Variants in DAOA observed in about 807,000 individuals in gnomAD.
DAOA encodes D-amino acid oxidase activator.
Under a neutral mutation model 16.4 loss-of-function variants are expected in DAOA, and 15 were observed. The ratio of observed to expected loss-of-function variants is 0.91; its 90% CI spans 0.61 to 1.41. The LOEUF (loss-of-function observed/expected upper bound fraction) is 1.41, where lower values mean the gene tolerates loss of function less well. Ranked by LOEUF, DAOA falls within the 40% of genes most tolerant of loss-of-function variation. The probability of loss-of-function intolerance (pLI) is 0.00; values close to 1 mark genes in which losing one functional copy is unlikely to be tolerated. For missense variants in DAOA, 230 were observed against 176.8 expected (o/e 1.30, Z -1.71); for synonymous variants, 75 against 59.1 (o/e 1.27, Z -1.23).
chr13:105,478,909 C>G (rs924542138), intron 4 of DAOA, among the ~76,000 whole-genome samples: 6 of 152,204 alleles, frequency 3.9e-5, no homozygotes, highest in African/African-American at 9.6e-5. Flanking sequence ...TTTAGCCAAA[C>G]TAACCCACTC....
chr13:105,484,613 T>C (rs1877983480), intron 4 of DAOA, among the ~76,000 whole-genome samples: 1 of 152,208 alleles, frequency 6.6e-6, no homozygotes, highest in South Asian at 2.1e-4. Flanking sequence ...TTACATATTG[T>C]TCTTTGCTCT....
At chr13:105,468,673 T>G (rs1406533095) in intron 3 of DAOA, among the ~76,000 whole-genome samples, 4 of 152,188 alleles carry the variant, frequency 2.6e-5, no homozygotes, top group African/African-American at 7.2e-5. Flanking sequence ...TTAGAAACAA[T>G]TTTCATTGAA....
At chr13:105,476,316 A>G (rs1400732173) in intron 4 of DAOA, among the ~76,000 whole-genome samples, 1 of 152,110 alleles carries the variant, frequency 6.6e-6, no homozygotes, top group Non-Finnish European at 1.5e-5. Flanking sequence ...TACTGAAAGG[A>G]GAAAGTCATT....
intron 4 of DAOA, among the ~76,000 whole-genome samples, chr13:105,483,332 G>A (rs1198258225): frequency 6.6e-6 from 1 of 152,132 alleles, no homozygotes; most frequent in African/African-American, 2.4e-5. Flanking sequence ...GTCTTATAAT[G>A]AAGATATGCT....
chr13:105,488,911 A>G (rs1214857189), intron 4 of DAOA, among the ~76,000 whole-genome samples: 2 of 152,208 alleles, frequency 1.3e-5, no homozygotes, highest in Non-Finnish European at 2.9e-5. Flanking sequence ...GGAACTTGAA[A>G]GCCATCAAGA....
intron 3 of DAOA, among the ~76,000 whole-genome samples, chr13:105,468,246 T>C (rs1876675422): frequency 6.6e-6 from 1 of 152,196 alleles, no homozygotes; most frequent in African/African-American, 2.4e-5. Context: ...TGAAGTCCCT[T>C]TGTTACACAA....
chr13:105,477,987 A>C (rs1877455092), intron 4 of DAOA, among the ~76,000 whole-genome samples: 1 of 152,204 alleles, frequency 6.6e-6, no homozygotes, highest in South Asian at 2.1e-4. Context: ...CTATCATTTA[A>C]AATATTTTTC....
Position 105,472,520 on chromosome 13 carries a change from A to C in DAOA, c.134-18A>C. 6.2e-7 allele frequency: 1 copy of C among 1,610,388 alleles called. No homozygotes were observed. The highest frequency in any genetic ancestry group is 1.1e-5 in the South Asian group (1 of 90,648). On this transcript the variant is annotated intron_variant, in intron 3 of 5. Coordinates refer to ENST00000375936, the MANE Select transcript of DAOA (RefSeq NM_172370.5). ...TAGAGTTAATATGTATTATATATCC[A>C]CTTAAATACTGTTGCAGCAAAGGAG...
Position 105,472,700 on chromosome 13 carries a change from C to T in DAOA, c.281+15C>T. ...CCCTATGCAGAGTATGTATCTTCTTCATTTTAAACTTTTAACCAGGAGAAA... is the reference window on the plus strand; with the variant it reads ...CCCTATGCAGAGTATGTATCTTCTTTATTTTAAACTTTTAACCAGGAGAAA... On this transcript the variant is annotated intron_variant, in intron 4 of 5. Transcript: ENST00000375936. The T allele has an allele frequency of 6.3e-7, 1 of 1,585,474 alleles. No individual in the cohort carries two copies. Among genetic ancestry groups the T allele is most frequent in the East Asian group, 2.3e-5 (1 of 44,302 alleles).
chr13:105,481,497 T>A (rs1177921229), intron 4 of DAOA, among the ~76,000 whole-genome samples: 1 of 152,178 alleles, frequency 6.6e-6, no homozygotes, highest in Non-Finnish European at 1.5e-5. Flanking sequence ...TCATTAAAAC[T>A]ATGATCCTCC....
At chr13:105,484,912 T>C (rs1270123707) in intron 4 of DAOA, among the ~76,000 whole-genome samples, 2 of 152,170 alleles carry the variant, frequency 1.3e-5, no homozygotes, top group Admixed American at 6.5e-5. Flanking sequence ...ATTGTTGGGA[T>C]CAATGTATTT....
chr13:105,478,341 T>C (rs1246068929), intron 4 of DAOA, among the ~76,000 whole-genome samples: 1 of 152,236 alleles, frequency 6.6e-6, no homozygotes, highest in Non-Finnish European at 1.5e-5. Flanking sequence ...CTTCCCTTAG[T>C]ACGCATTCAA....
rs1461859694 is a variant in DAOA at position 105,472,587 on chromosome 13, G to A, written c.183G>A (p.Trp61Ter). 2 of 1,614,074 alleles carry A rather than the reference G, an allele frequency of 1.2e-6. No individual in the cohort carries two copies. The highest frequency in any genetic ancestry group is 2.2e-5 in the East Asian group (1 of 44,836). The change falls in exon 4 of 6, where the codon TGG (tryptophan) becomes TGA (stop). Residue 61 changes from tryptophan (W) to a stop codon, truncating the protein, a stop_gained. Transcript: ENST00000375936. LOFTEE classifies it high-confidence loss of function. The stretch of plus-strand genomic sequence containing the variant: ...AGACGGTAACAAGGAAAGAAGGATG[G>A]AAGAGAAGGCATGAGGACGGCTATT... ...GRETVTRKEG[W>*]KRRHEDGYLE...
chr13:105,489,629 A>C (rs1053835244), intron 4 of DAOA: 4 of 691,588 alleles, frequency 5.8e-6, no homozygotes, highest in Non-Finnish European at 9.1e-6. Context: ...GAACGTCCTC[A>C]ATTCTCAGGC....
intron 3 of DAOA, among the ~76,000 whole-genome samples, chr13:105,471,783 A>G (rs1274855930): frequency 6.6e-6 from 1 of 152,192 alleles, no homozygotes; most frequent in Non-Finnish European, 1.5e-5. Context: ...TTTCTGGAAG[A>G]AAGTCAATTG....
chr13:105,466,294 G>T lies in DAOA; in HGVS notation c.6G>T (p.Leu2=). ...TTTAGCTGGGAGGACCCAAAATGCT[G>T]GAAAAGCTGATGGGTGCTGATTCTC... The part of the protein sequence containing the change: M[L]EKLMGADSLQ... The change falls in exon 2 of 6, where the codon CTG becomes CTT. Residue 2 remains leucine, a synonymous_variant. Coordinates refer to ENST00000375936, the MANE Select transcript of DAOA (RefSeq NM_172370.5). The T allele has an allele frequency of 6.2e-7, 1 of 1,613,994 alleles. No homozygotes were observed. Among genetic ancestry groups the T allele is most frequent in the Non-Finnish European group, 8.5e-7 (1 of 1,179,924 alleles).
chr13:105,471,721 C>G (rs775353197), intron 3 of DAOA, among the ~76,000 whole-genome samples: 6 of 151,856 alleles, frequency 4.0e-5, no homozygotes, highest in Non-Finnish European at 7.4e-5. Flanking sequence ...TAAAACTGGT[C>G]GATTCACAGA....
At chr13:105,477,210 G>A (rs1427918943) in intron 4 of DAOA, 1 of 152,156 alleles carries the variant, frequency 6.6e-6, no homozygotes, top group Non-Finnish European at 1.5e-5. Context: ...GGATCTGGAA[G>A]GTCAGTCTTG....
At position 105,472,646 on chromosome 13, in the gene DAOA, T is replaced by A; in HGVS notation, c.242T>A (p.Leu81Ter). ...GCACAGAGGCATTTACAGAGATCATTATGTCCTTGGGTCTCTTACCTTCCT... is the reference window on the plus strand; with the variant it reads ...GCACAGAGGCATTTACAGAGATCATAATGTCCTTGGGTCTCTTACCTTCCT... ...EMAQRHLQRS[L>*]CPWVSYLPQP... is the part of the protein sequence containing the mutation. Residue 81 changes from leucine to a stop codon, truncating the protein, a stop_gained, in exon 4 of 6, where the codon TTA (leucine) becomes TAA (stop). Transcript: ENST00000375936. LOFTEE classifies it high-confidence loss of function. 6.2e-7 allele frequency: 1 copy of A among 1,614,088 alleles called. No homozygotes were observed. The highest frequency in any genetic ancestry group is 8.5e-7 in the Non-Finnish European group (1 of 1,179,936).
Sources: gnomAD v4.1 joint callset for allele counts (sites outside exome capture counted in the v4.1 genomes callset) on GRCh38, gnomAD v4.1.1 for gene constraint, MANE v1.5 for transcripts, NCBI Gene and HGNC (gene_info 2026-07-23, HGNC 2026-07-21) for gene names.